Variants in CABIN1 observed in about 807,000 individuals in gnomAD.
The protein encoded by CABIN1 is calcineurin binding protein 1.
Under a neutral mutation model 227.7 loss-of-function variants are expected in CABIN1, and 133 were observed. The ratio of observed to expected loss-of-function variants is 0.58; its 90% CI spans 0.51 to 0.67. The LOEUF (loss-of-function observed/expected upper bound fraction) is 0.67. Among genes scored for constraint, CABIN1 ranks in the 30% least tolerant of loss-of-function variants. The pLI, the probability that CABIN1 is intolerant of heterozygous loss-of-function variation, is 0.00. For missense variants in CABIN1, 2,408 were observed against 2,852.5 expected, an observed-to-expected ratio of 0.84 and a Z score of 3.55; for synonymous variants, 1,086 against 1,155.1, an observed-to-expected ratio of 0.94 and a Z score of 1.21.
chr22:24,164,840 C>T (rs1290665164), intron 30 of CABIN1, among the ~76,000 whole-genome samples: 3 of 152,198 alleles, frequency 2.0e-5, no homozygotes, highest in African/African-American at 7.2e-5. Flanking sequence ...TTTCCTCCTG[C>T]TTCCCCCAAC....
At chr22:24,049,029 T>A in intron 6 of CABIN1, 62 bp from the exon 7 acceptor site, 4 of 1,600,404 alleles carry the variant, frequency 2.5e-6, no homozygotes, top group Non-Finnish European at 3.4e-6. Context: ...TGATGTTAAC[T>A]GGCAAGGCCA....
intron 25 of CABIN1, 116 bp from the exon 26 acceptor site, chr22:24,097,898 A>G (rs894169434): frequency 9.6e-6 from 13 of 1,351,828 alleles, no homozygotes; most frequent in East Asian, 6.9e-5. Context: ...GGTGGGGGCC[A>G]CCAGAGGTGC....
At chr22:24,127,921 G>C (rs2148067748) in intron 28 of CABIN1, among the ~76,000 whole-genome samples, 1 of 152,132 alleles carries the variant, frequency 6.6e-6, no homozygotes, top group East Asian at 1.9e-4. Context: ...ATTGACATTT[G>C]GGACCAAATA....
intron 24 of CABIN1, among the ~76,000 whole-genome samples, chr22:24,093,404 G>A (rs547519242): frequency 6.6e-6 from 1 of 152,232 alleles, no homozygotes; most frequent in African/African-American, 2.4e-5. Context: ...TTAGCCAGGT[G>A]TGGTGGTGGA....
At position 24,178,220 on chromosome 22, in the gene CABIN1, A is replaced by T; in HGVS notation, c.*24A>T. ...GAGGGGCCACTGCAGCCCCACCGCC[A>T]CGCCCCAGGGGACCAGCCAGGCCTG... On this transcript the variant is annotated 3_prime_UTR_variant, in exon 37 of 37. Transcript: ENST00000263119. 4 of 1,612,126 alleles carry T rather than the reference A, an allele frequency of 2.5e-6. No individual in the cohort carries two copies. The highest frequency in any genetic ancestry group is 3.4e-6 in the Non-Finnish European group (4 of 1,179,738).
chr22:24,163,027 T>G (rs1276269246), intron 29 of CABIN1, among the ~76,000 whole-genome samples: 1 of 152,192 alleles, frequency 6.6e-6, no homozygotes, highest in Non-Finnish European at 1.5e-5. Context: ...AGCAGGTGTC[T>G]TTTCATAAGC....
At chr22:24,164,610 G>A (rs1287790741) in intron 30 of CABIN1, 47 bp downstream of exon 30, 10 of 1,585,648 alleles carry the variant, frequency 6.3e-6, no homozygotes, top group Admixed American at 1.7e-5. Flanking sequence ...GTGTGGGTCA[G>A]GGGCACACAC....
At chr22:24,166,410 G>A (rs2046449862) in intron 31 of CABIN1, among the ~76,000 whole-genome samples, 1 of 152,236 alleles carries the variant, frequency 6.6e-6, no homozygotes, top group Non-Finnish European at 1.5e-5. Flanking sequence ...CTGGAAGAGT[G>A]TGGTGGGGTA....
rs374922853 is a variant in CABIN1 at position 24,076,151 on chromosome 22, G to T, written c.2633-18G>T. On this transcript the variant is annotated intron_variant, in intron 18 of 36. Transcript: ENST00000263119. ...TTCCCACACTAACTCTGTGTCTGTC[G>T]GCCTGGGCTTTCCCTAGGGATGTCA... 6.2e-7 allele frequency: 1 copy of T among 1,601,500 alleles called. No individual in the cohort carries two copies. The highest frequency in any genetic ancestry group is 1.3e-5 in the African/African-American group (1 of 74,750).
chr22:24,041,297 TA>T (rs1273354839), intron 5 of CABIN1, 24 bp downstream of exon 5: 5 of 1,613,978 alleles, frequency 3.1e-6, no homozygotes, highest in Non-Finnish European at 4.2e-6. Flanking sequence ...AGTGCTTAGC[TA>T]CCTTGGTGTT....
intron 25 of CABIN1, 123 bp from the exon 26 acceptor site, chr22:24,097,890 TG>T: frequency 1.6e-6 from 2 of 1,242,594 alleles, no homozygotes; most frequent in South Asian, 1.2e-5. Context: ...GCAGATGGGG[TG>T]GGGGCCACCA....
At chr22:24,164,018 A>G (rs1301668281) in intron 29 of CABIN1, among the ~76,000 whole-genome samples, 2 of 152,194 alleles carry the variant, frequency 1.3e-5, no homozygotes, top group Non-Finnish European at 2.9e-5. Context: ...TTCCACCTCT[A>G]ACAAATGGTC....
At chr22:24,086,027 G>C (rs149419831) in intron 22 of CABIN1, among the ~76,000 whole-genome samples, 1 of 152,342 alleles carries the variant, frequency 6.6e-6, no homozygotes, top group African/African-American at 2.4e-5. Flanking sequence ...GAAGAGAAGG[G>C]ACTGGGTGTG....
intron 3 of CABIN1, among the ~76,000 whole-genome samples, chr22:24,037,634 A>G (rs952112714): frequency 4.6e-5 from 7 of 151,832 alleles, no homozygotes; most frequent in Admixed American, 4.6e-4. Context: ...TTTACTCACA[A>G]CCCTTCTGAT....
At position 24,168,474 on chromosome 22, in the gene CABIN1, G is replaced by A. The variant is rs1267048885; in HGVS notation, c.5710G>A (p.Ala1904Thr). The stretch of plus-strand genomic sequence containing the variant: ...GGATGAGGAGGCTGCGCTGGAGCAG[G>A]CTGTGAAGTTCTGCCAGGTCCATCT... ...QVDEEAALEQAVKFCQVHLGA... is the reference protein window; with the variant it reads ...QVDEEAALEQTVKFCQVHLGA... The change falls in exon 33 of 37, where the codon GCT becomes ACT. Residue 1904 changes from alanine (A) to threonine (T), a missense_variant. This residue lies in a region of CABIN1 where 714 missense variants were observed against 773.8 expected (regional missense o/e 0.92). Coordinates refer to ENST00000263119, the MANE Select transcript of CABIN1 (RefSeq NM_012295.4). 1.3e-6 allele frequency: 2 copies of A among 1,571,726 alleles called. No homozygotes were observed. Among genetic ancestry groups the A allele is most frequent in the African/African-American group, 1.4e-5 (1 of 73,864 alleles).
intron 23 of CABIN1, among the ~76,000 whole-genome samples, chr22:24,089,855 G>T (rs895342664): frequency 6.6e-6 from 1 of 152,186 alleles, no homozygotes; most frequent in African/African-American, 2.4e-5. Flanking sequence ...GAGCCAGAGC[G>T]TTCTAGCTGT....
intron 22 of CABIN1, among the ~76,000 whole-genome samples, chr22:24,086,903 G>T (rs571565783): frequency 1.6e-4 from 24 of 152,306 alleles, no homozygotes; most frequent in African/African-American, 4.8e-4. Context: ...AGAGAGAATG[G>T]GGTAGAAGCT....
intron 29 of CABIN1, among the ~76,000 whole-genome samples, chr22:24,136,026 A>C (rs989623100): frequency 6.6e-6 from 1 of 152,152 alleles, no homozygotes; most frequent in Non-Finnish European, 1.5e-5. Flanking sequence ...TAATCAATCT[A>C]CATGATACCA....
chr22:24,099,191 C>T (rs760274480), intron 26 of CABIN1, among the ~76,000 whole-genome samples: 34 of 152,288 alleles, frequency 2.2e-4, no homozygotes, highest in Non-Finnish European at 4.1e-4. Flanking sequence ...GCCCAGTGCT[C>T]GGGTTCCTGG....
Sources: allele counts gnomAD v4.1 joint callset (sites outside exome capture counted in the v4.1 genomes callset), GRCh38; gene constraint gnomAD v4.1.1; regional missense constraint gnomAD v4.1.1; transcripts MANE v1.5; gene names NCBI Gene and HGNC (gene_info 2026-07-23, HGNC 2026-07-21).